The following CUBN variants were observed in gnomAD, a reference collection of about 807,000 sequenced individuals.
The protein encoded by CUBN is cubilin.
A neutral mutation model predicts 405.3 loss-of-function variants in CUBN; 282 were observed. The ratio of observed to expected loss-of-function variants is 0.70; its 90% confidence interval spans 0.63 to 0.77. The LOEUF is 0.77. Among genes scored for constraint, CUBN ranks in the 30% least tolerant of loss-of-function variants. The probability of loss-of-function intolerance (pLI) is 0.00; values close to 1 mark genes in which losing one functional copy is unlikely to be tolerated. For synonymous variants in CUBN, 1,684 were observed against 1,617.0 expected, an observed-to-expected ratio of 1.04 and a Z score of -0.99; for missense variants, 4,514 against 4,475.2, an observed-to-expected ratio of 1.01 and a Z score of -0.25.
intron 27 of CUBN, among the ~76,000 whole-genome samples, chr10:17,029,505 G>A (rs1409252952): frequency 1.3e-5 from 2 of 152,176 alleles, no homozygotes; most frequent in South Asian, 4.1e-4. Context: ...TTGAATCCAG[G>A]TATCATGCTT....
intron 28 of CUBN, among the ~76,000 whole-genome samples, chr10:17,001,335 C>T (rs1435205158): frequency 6.6e-6 from 1 of 152,184 alleles, no homozygotes; most frequent in Admixed American, 6.5e-5. Flanking sequence ...CTTTTATTCC[C>T]TTATTTGGCC....
At chr10:17,018,644 C>T (rs565630825) in intron 28 of CUBN, among the ~76,000 whole-genome samples, 89 of 152,198 alleles carry the variant, frequency 5.8e-4, no homozygotes, top group African/African-American at 2.0e-3. Flanking sequence ...GCTAGGGTGG[C>T]CAGCTTTTAT....
chr10:16,914,236 A>G (rs1364563210), intron 47 of CUBN, among the ~76,000 whole-genome samples: 1 of 152,154 alleles, frequency 6.6e-6, no homozygotes, highest in Non-Finnish European at 1.5e-5. Context: ...TCATGGCCCA[A>G]GAAATGAGAG....
intron 51 of CUBN, among the ~76,000 whole-genome samples, 159 bp from the exon 52 acceptor site, chr10:16,901,618 C>A (rs1037712640): frequency 6.6e-6 from 1 of 152,044 alleles, no homozygotes; most frequent in Non-Finnish European, 1.5e-5. Flanking sequence ...CTTTGGGAGG[C>A]CGAAGTGGGC....
At chr10:16,996,750 C>T (rs1295939943) in intron 28 of CUBN, among the ~76,000 whole-genome samples, 1 of 152,186 alleles carries the variant, frequency 6.6e-6, no homozygotes, top group Admixed American at 6.5e-5. Context: ...GCTTTGCTGG[C>T]TGGCATTTTC....
intron 58 of CUBN, among the ~76,000 whole-genome samples, chr10:16,872,912 C>A (rs1840402026): frequency 6.6e-6 from 1 of 152,216 alleles, no homozygotes; most frequent in African/African-American, 2.4e-5. Context: ...CAGGTAAGAG[C>A]TGCAGTTTTC....
intron 54 of CUBN, among the ~76,000 whole-genome samples, chr10:16,897,974 C>G (rs906059814): frequency 2.0e-5 from 3 of 151,748 alleles, no homozygotes. Flanking sequence ...AGTCTGAATA[C>G]TTGATATTGA....
intron 65 of CUBN, 57 bp from the exon 66 acceptor site, chr10:16,829,097 G>C: frequency 7.8e-7 from 1 of 1,281,004 alleles, no homozygotes; most frequent in Non-Finnish European, 1.1e-6. Context: ...CGTCCAGTCT[G>C]GCTTGTTAGG....
intron 60 of CUBN, among the ~76,000 whole-genome samples, chr10:16,844,663 G>C (rs1839459460): frequency 6.6e-6 from 1 of 152,194 alleles, no homozygotes; most frequent in Non-Finnish European, 1.5e-5. Context: ...TTTCTCCTAA[G>C]TGAGTTGAAA....
At chr10:17,040,193 AG>A (rs1314363520) in intron 27 of CUBN, among the ~76,000 whole-genome samples, 4 of 152,276 alleles carry the variant, frequency 2.6e-5, no homozygotes, top group African/African-American at 7.2e-5. Context: ...TGCAGGTAGG[AG>A]GGCAGGTGGG....
Position 16,828,841 on chromosome 10 carries a change from G to A in CUBN, c.10728C>T (p.Asn3576=), listed in dbSNP as rs368511477. The A allele has an allele frequency of 1.9e-5, 31 of 1,613,864 alleles. No homozygotes were observed. The highest frequency in any genetic ancestry group is 1.0e-4 in the Admixed American group (6 of 59,996). Residue 3576 remains asparagine (N), a synonymous_variant, in exon 66 of 67, where the codon AAC becomes AAT. Coordinates refer to ENST00000377833, the MANE Select transcript of CUBN (RefSeq NM_001081.4). The part of the protein sequence containing the change: ...QNYLTLYDGP[N]ASSPSSGPYC... Reference sequence around the variant, plus strand: ...ATGGTCCAGAGGATGGAGAGCTGGCGTTGGGCCCATCATAGAGTGTGAGAT... The same window carrying A: ...ATGGTCCAGAGGATGGAGAGCTGGCATTGGGCCCATCATAGAGTGTGAGAT...
At chr10:16,959,230 T>G (rs746711982) in intron 31 of CUBN, among the ~76,000 whole-genome samples, 1 of 152,218 alleles carries the variant, frequency 6.6e-6, no homozygotes, top group Non-Finnish European at 1.5e-5. Flanking sequence ...AATTGTCATT[T>G]TATGAAATTT....
chr10:17,081,108 T>C (rs1835956395), intron 17 of CUBN, among the ~76,000 whole-genome samples: 2 of 152,326 alleles, frequency 1.3e-5, no homozygotes, highest in African/African-American at 4.8e-5. Flanking sequence ...CTTTTGCAGT[T>C]AAAATCTATT....
intron 59 of CUBN, among the ~76,000 whole-genome samples, chr10:16,860,329 C>T (rs2131352025): frequency 6.6e-6 from 1 of 151,940 alleles, no homozygotes; most frequent in Non-Finnish European, 1.5e-5. Flanking sequence ...AAATATGAAT[C>T]AAAAGAAAGC....
chr10:17,105,197 G>A (rs1161198136), intron 11 of CUBN, among the ~76,000 whole-genome samples: 1 of 152,128 alleles, frequency 6.6e-6, no homozygotes, highest in East Asian at 1.9e-4. Context: ...AATGGTAATT[G>A]TTTTGTATGT....
chr10:17,001,035 G>T (rs1588568144), intron 28 of CUBN, among the ~76,000 whole-genome samples: 1 of 152,210 alleles, frequency 6.6e-6, no homozygotes, highest in African/African-American at 2.4e-5. Flanking sequence ...TCCTTCTGGT[G>T]CGTTCGTGAT....
intron 36 of CUBN, among the ~76,000 whole-genome samples, chr10:16,941,156 T>C (rs1842641212): frequency 6.6e-6 from 1 of 152,108 alleles, no homozygotes; most frequent in Non-Finnish European, 1.5e-5. Flanking sequence ...GGTGTAAGGG[T>C]AGACAAATGG....
intron 6 of CUBN, chr10:17,122,015 G>A (rs1837054287): frequency 6.6e-6 from 1 of 152,296 alleles, no homozygotes; most frequent in Non-Finnish European, 1.5e-5. Flanking sequence ...AAGTAAGTTT[G>A]GCATTGATCT....
At chr10:16,974,214 T>C (rs1833022614) in intron 31 of CUBN, among the ~76,000 whole-genome samples, 2 of 152,150 alleles carry the variant, frequency 1.3e-5, no homozygotes, top group Non-Finnish European at 2.9e-5. Context: ...AAGGTTAACT[T>C]TCTTCCAAAG....
Sources: allele counts gnomAD v4.1 joint callset (sites outside exome capture counted in the v4.1 genomes callset), GRCh38; gene constraint gnomAD v4.1.1; transcripts MANE v1.5; gene names NCBI Gene and HGNC (gene_info 2026-07-23, HGNC 2026-07-21).